Variants in SNTG2 observed in about 807,000 individuals in gnomAD.
The protein encoded by SNTG2 is gamma-2-syntrophin.
In SNTG2, 74 loss-of-function variants were observed where a neutral mutation model predicts 70.9. That is an observed-to-expected ratio of 1.04 (90% confidence interval 0.86 to 1.27). SNTG2 has a LOEUF of 1.27. Ranked by LOEUF, SNTG2 falls within the 50% of genes most tolerant of loss-of-function variation. The pLI is 0.00. For synonymous variants in SNTG2, 278 were observed against 273.8 expected (o/e 1.02, Z -0.15); for missense variants, 717 against 690.7 (o/e 1.04, Z -0.43).
chr2:1,364,888 C>T (rs1413123596), intron 16 of SNTG2, among the ~76,000 whole-genome samples: 5 of 152,046 alleles, frequency 3.3e-5, no homozygotes, highest in South Asian at 4.2e-4. Context: ...CCAGCCTGGG[C>T]GACAGAGTGA....
At chr2:1,017,717 T>G (rs1479411988) in intron 1 of SNTG2, among the ~76,000 whole-genome samples, 1 of 152,234 alleles carries the variant, frequency 6.6e-6, no homozygotes, top group Non-Finnish European at 1.5e-5. Context: ...TTACCGTATC[T>G]TCTTTTAATT....
intron 16 of SNTG2, among the ~76,000 whole-genome samples, chr2:1,336,203 T>A (rs1659808248): frequency 6.6e-6 from 1 of 152,144 alleles, no homozygotes; most frequent in Admixed American, 6.5e-5. Context: ...CTCCCCACTC[T>A]CTCTGTGCTT....
At chr2:1,157,574 T>G (rs1188644303) in intron 6 of SNTG2, among the ~76,000 whole-genome samples, 1 of 152,210 alleles carries the variant, frequency 6.6e-6, no homozygotes, top group Non-Finnish European at 1.5e-5. Context: ...GTTTCAATGT[T>G]GAAAGGATAC....
intron 1 of SNTG2, among the ~76,000 whole-genome samples, chr2:1,004,034 A>G (rs1287634951): frequency 1.3e-5 from 2 of 152,214 alleles, no homozygotes; most frequent in Non-Finnish European, 2.9e-5. Context: ...GCTATTACAA[A>G]GCAGCTGTGA....
In SNTG2 at chr2:1,209,116, C is replaced by T. The variant is rs1490635975; in HGVS notation, c.605C>T (p.Pro202Leu). ...TCTTCTGTACAGGCCCCATCGTCACCTTCCTCGCCCATAGCTAAGGACCCG... is the reference window on the plus strand; with the variant it reads ...TCTTCTGTACAGGCCCCATCGTCACTTTCCTCGCCCATAGCTAAGGACCCG... ...GNSSTTAPSS[P>L]SSPIAKDPRY... The change falls in exon 9 of 17, where the codon CCT becomes CTT. Residue 202 changes from proline to leucine, a missense_variant. Transcript: ENST00000308624. The T allele has an allele frequency of 6.2e-7, 1 of 1,613,854 alleles. No homozygotes were observed. The highest frequency in any genetic ancestry group is 8.5e-7 in the Non-Finnish European group (1 of 1,179,910).
intron 1 of SNTG2, among the ~76,000 whole-genome samples, chr2:988,780 A>G (rs550396490): frequency 4.0e-5 from 6 of 151,856 alleles, no homozygotes; most frequent in Non-Finnish European, 8.8e-5. Context: ...CTCCATTTCT[A>G]CAAAAACACC....
At chr2:1,192,161 C>T (rs1672634720) in intron 8 of SNTG2, among the ~76,000 whole-genome samples, 3 of 152,288 alleles carry the variant, frequency 2.0e-5, no homozygotes, top group South Asian at 4.2e-4. Flanking sequence ...GCATTGCAAT[C>T]CCAGGAGTCA....
chr2:1,176,650 G>GAA (rs58207101), intron 8 of SNTG2, among the ~76,000 whole-genome samples: 9 of 147,170 alleles, frequency 6.1e-5, no homozygotes, highest in African/African-American at 1.5e-4. Flanking sequence ...AAATTTACAA[G>GAA]AAAAAAAAAA....
chr2:1,243,724 G>A (rs28507166), intron 11 of SNTG2, among the ~76,000 whole-genome samples: 23,514 of 152,134 alleles, frequency 0.15, 1,946 homozygotes, highest in Non-Finnish European at 0.19. Context: ...TAAGTGTTTC[G>A]TGAACAGAAC....
At chr2:1,084,272 G>A (rs1015292442) in intron 2 of SNTG2, among the ~76,000 whole-genome samples, 5 of 152,232 alleles carry the variant, frequency 3.3e-5, no homozygotes, top group South Asian at 2.1e-4. Flanking sequence ...CCCCTTACTC[G>A]CAATCCTGTG....
chr2:1,299,969 T>G (rs1261817254), intron 14 of SNTG2, among the ~76,000 whole-genome samples: 1 of 88,106 alleles, frequency 1.1e-5, no homozygotes, highest in Non-Finnish European at 2.3e-5. Context: ...AAGGGTGCCT[T>G]AAATGAGGGC....
intron 9 of SNTG2, among the ~76,000 whole-genome samples, chr2:1,234,260 C>G (rs559477610): frequency 2.3e-4 from 35 of 152,294 alleles, no homozygotes; most frequent in African/African-American, 7.7e-4. Flanking sequence ...AGTTACCCGG[C>G]TTCTATAACA....
At chr2:1,192,641 C>T (rs1672667245) in intron 8 of SNTG2, among the ~76,000 whole-genome samples, 1 of 152,080 alleles carries the variant, frequency 6.6e-6, no homozygotes, top group Non-Finnish European at 1.5e-5. Context: ...GTGAGACGGG[C>T]TTCCTTCACG....
chr2:986,095 G>A (rs1661310094), intron 1 of SNTG2, among the ~76,000 whole-genome samples: 1 of 151,878 alleles, frequency 6.6e-6, no homozygotes, highest in East Asian at 1.9e-4. Context: ...GAGAGAGAGA[G>A]AGAGAGAGAG....
intron 1 of SNTG2, among the ~76,000 whole-genome samples, chr2:1,063,172 A>C (rs1030452005): frequency 1.1e-4 from 16 of 152,218 alleles, no homozygotes; most frequent in Non-Finnish European, 1.9e-4. Flanking sequence ...TCTAAAAAAG[A>C]AGCATACTTT....
chr2:963,443 A>G (rs1012768584), intron 1 of SNTG2, among the ~76,000 whole-genome samples: 4 of 152,178 alleles, frequency 2.6e-5, no homozygotes, highest in Non-Finnish European at 5.9e-5. Context: ...TAGGAAGGCG[A>G]GCAAGTCAGT....
chr2:977,057 C>T (rs1207731968), intron 1 of SNTG2, among the ~76,000 whole-genome samples: 1 of 152,200 alleles, frequency 6.6e-6, no homozygotes, highest in Non-Finnish European at 1.5e-5. Flanking sequence ...GCACGGCCTT[C>T]CTAGCTTCCT....
At chr2:1,239,918 C>A in intron 11 of SNTG2, 142 bp downstream of exon 11, 1 of 1,041,382 alleles carries the variant, frequency 9.6e-7, no homozygotes, top group South Asian at 1.5e-5. Context: ...AACATTAGCA[C>A]ATTTCAGACT....
At chr2:1,048,541 G>T (rs896554858) in intron 1 of SNTG2, among the ~76,000 whole-genome samples, 1 of 151,832 alleles carries the variant, frequency 6.6e-6, no homozygotes, top group Admixed American at 6.6e-5. Flanking sequence ...TATTGTATTC[G>T]CTGTGTGAGG....
Sources: allele counts gnomAD v4.1 joint callset (sites outside exome capture counted in the v4.1 genomes callset), GRCh38; gene constraint gnomAD v4.1.1; transcripts MANE v1.5; gene names NCBI Gene and HGNC (gene_info 2026-07-23, HGNC 2026-07-21).